FAM120A: variants seen among roughly 807,000 people sequenced by gnomAD.
FAM120A encodes the protein family with sequence similarity 120 member A.
A neutral mutation model predicts 109.7 loss-of-function variants in FAM120A; 15 were observed. The observed-to-expected ratio is 0.14, with a 90% CI of 0.09 to 0.21. The LOEUF is 0.21. FAM120A is among the 10% of genes least tolerant of loss of function. FAM120A has a pLI of 1.00. For synonymous variants in FAM120A, 493 were observed against 572.8 expected (o/e 0.86, Z 1.99); for missense variants, 899 against 1,439.3 (o/e 0.62, Z 6.07).
chr9:93,514,742 T>C (rs529466593), intron 5 of FAM120A, among the ~76,000 whole-genome samples: 2 of 152,242 alleles, frequency 1.3e-5, no homozygotes, highest in Non-Finnish European at 2.9e-5. Context: ...ACTGCGGGTC[T>C]TGTGCTGTCT....
At chr9:93,493,192 A>G (rs1386510856) in intron 3 of FAM120A, among the ~76,000 whole-genome samples, 1 of 152,206 alleles carries the variant, frequency 6.6e-6, no homozygotes, top group African/African-American at 2.4e-5. Flanking sequence ...GTTAGGACCA[A>G]ACTGTTAAAA....
chr9:93,508,232 T>C (rs1860151820), intron 5 of FAM120A, among the ~76,000 whole-genome samples: 2 of 152,102 alleles, frequency 1.3e-5, no homozygotes, highest in African/African-American at 2.4e-5. Context: ...AATAGGACCA[T>C]GTTGAAAAAG....
rs762865832 is a variant in FAM120A at position 93,452,699 on chromosome 9, GT to G, written c.474+315del. 85 of 1,598,432 alleles carry G rather than the reference GT, an allele frequency of 5.3e-5. No homozygotes were observed. The highest frequency in any genetic ancestry group is 1.3e-4 in the Admixed American group (8 of 60,002). ...AGTGTCATCATCCCCAATATCCTTA[GT>G]TTTTCCCATCCTATTTGAGGCGGGC... is the stretch of plus-strand genomic sequence containing the variant. On this transcript the variant is annotated intron_variant, in intron 1 of 17. Transcript: ENST00000277165. The surrounding 1 kb of genome is among the most constrained non-coding windows in gnomAD (Gnocchi z 7.0).
At chr9:93,456,739 T>G (rs746117356) in intron 1 of FAM120A, among the ~76,000 whole-genome samples, 1 of 143,302 alleles carries the variant, frequency 7.0e-6, no homozygotes, top group Non-Finnish European at 1.5e-5. Context: ...TGTGTAAGAA[T>G]ACTTTGTGGG....
intron 7 of FAM120A, among the ~76,000 whole-genome samples, chr9:93,516,900 T>G (rs1459929074): frequency 1.3e-5 from 2 of 152,210 alleles, no homozygotes; most frequent in Non-Finnish European, 2.9e-5. Flanking sequence ...TAAATTGTCT[T>G]ATGTTTAAAA....
At position 93,532,683 on chromosome 9, in the gene FAM120A, A is replaced by T. The variant is rs927650167; in HGVS notation, c.1909+354A>T. The T allele has an allele frequency of 6.8e-6, 2 of 295,934 alleles. No individual in the cohort carries two copies. The highest frequency in any genetic ancestry group is 4.4e-5 in the African/African-American group (2 of 45,492). 18.3% of individuals were successfully genotyped at this position (295,934 alleles called of 1,614,324 possible). ...AGTGAGTTTCTGTGCTCTGGTTTTC[A>T]TGAAGCACAGATCTGCTCTCTCCAG... On this transcript the variant is annotated intron_variant, in intron 10 of 17. Transcript: ENST00000277165. This position sits in a 1 kb window ranked among gnomAD's most constrained non-coding sequence, Gnocchi z 4.3.
At chr9:93,558,935 A>G (rs945928353) in intron 15 of FAM120A, among the ~76,000 whole-genome samples, 4 of 152,082 alleles carry the variant, frequency 2.6e-5, no homozygotes, top group African/African-American at 4.8e-5. Context: ...CTCTCCTTTC[A>G]GGGTAGACCA....
At chr9:93,557,345 G>GTC (rs1304849737) in intron 13 of FAM120A, among the ~76,000 whole-genome samples, 1 of 152,064 alleles carries the variant, frequency 6.6e-6, no homozygotes, top group East Asian at 1.9e-4. Flanking sequence ...GGTCAGGCTG[G>GTC]TCTTGAACTC....
intron 5 of FAM120A, among the ~76,000 whole-genome samples, chr9:93,503,047 G>A (rs993834752): frequency 1.3e-5 from 2 of 152,112 alleles, no homozygotes; most frequent in Non-Finnish European, 1.5e-5. Flanking sequence ...AAAGTAAATG[G>A]GCTCCTACTA....
chr9:93,542,716 A>T (rs1354131437), intron 10 of FAM120A, among the ~76,000 whole-genome samples: 2 of 152,208 alleles, frequency 1.3e-5, no homozygotes, highest in African/African-American at 4.8e-5. Flanking sequence ...TAACAGTTAC[A>T]TTTGTTGAAG....
intron 5 of FAM120A, among the ~76,000 whole-genome samples, chr9:93,513,552 T>C (rs2131398800): frequency 6.6e-6 from 1 of 152,346 alleles, no homozygotes; most frequent in African/African-American, 2.4e-5. Context: ...CAGCTTCTCA[T>C]ACTGCAGTTG....
intron 3 of FAM120A, among the ~76,000 whole-genome samples, chr9:93,494,485 T>C (rs1859485255): frequency 6.6e-6 from 1 of 152,170 alleles, no homozygotes; most frequent in South Asian, 2.1e-4. Context: ...GGAGGTCATT[T>C]GCCTCACTCC....
chr9:93,534,553 A>G (rs1356252132), intron 10 of FAM120A, among the ~76,000 whole-genome samples: 4 of 152,180 alleles, frequency 2.6e-5, no homozygotes, highest in African/African-American at 7.2e-5. Context: ...CTCTTGAGAC[A>G]TGGCTGAGAT....
chr9:93,489,999 C>G (rs2131324049), intron 3 of FAM120A, among the ~76,000 whole-genome samples: 1 of 152,302 alleles, frequency 6.6e-6, no homozygotes, highest in East Asian at 1.9e-4. Context: ...GACCTGTGCT[C>G]CACTGTGTCC....
At chr9:93,545,292 T>C (rs1417928020) in intron 11 of FAM120A, among the ~76,000 whole-genome samples, 1 of 151,866 alleles carries the variant, frequency 6.6e-6, no homozygotes, top group African/African-American at 2.4e-5. Flanking sequence ...CACCCCAACA[T>C]TGCTGTTGTG....
chr9:93,482,755 G>C (rs1331492421), intron 3 of FAM120A, among the ~76,000 whole-genome samples: 5 of 152,076 alleles, frequency 3.3e-5, no homozygotes, highest in South Asian at 2.1e-4. Flanking sequence ...GGCCAGTCTA[G>C]TAGACTGGCC....
intron 1 of FAM120A, among the ~76,000 whole-genome samples, chr9:93,464,810 G>C (rs1434433849): frequency 6.6e-6 from 1 of 152,132 alleles, no homozygotes; most frequent in Non-Finnish European, 1.5e-5. Flanking sequence ...CCCTTTGAAG[G>C]GCTACCTGTA....
At chr9:93,519,214 A>G (rs1009316674) in intron 7 of FAM120A, among the ~76,000 whole-genome samples, 2 of 152,082 alleles carry the variant, frequency 1.3e-5, no homozygotes, top group African/African-American at 2.4e-5. Context: ...AAATATATTG[A>G]TGGTAGAAAT....
At position 93,452,607 on chromosome 9, in the gene FAM120A, G is replaced by T. The variant is rs763809818; in HGVS notation, c.474+218G>T. On this transcript the variant is annotated intron_variant, in intron 1 of 17. Coordinates refer to ENST00000277165, the MANE Select transcript of FAM120A (RefSeq NM_014612.5). The surrounding 1 kb of genome is among the most constrained non-coding windows in gnomAD (Gnocchi z 7.0). ...GCCCGTCTCCAGCTGTCCCTGTTCG[G>T]GGTCCGCGGCCGCGTGGGGACACTT... 1 of 1,599,090 alleles carries T rather than the reference G, an allele frequency of 6.3e-7. No homozygotes were observed. The highest frequency in any genetic ancestry group is 2.2e-5 in the East Asian group (1 of 44,852).
Sources: allele counts gnomAD v4.1 joint callset (sites outside exome capture counted in the v4.1 genomes callset), GRCh38; gene constraint gnomAD v4.1.1; non-coding constraint Gnocchi (gnomAD v3.1); transcripts MANE v1.5; gene names NCBI Gene and HGNC (gene_info 2026-07-23, HGNC 2026-07-21).